MYT1L: variants seen among roughly 807,000 people sequenced by gnomAD.
MYT1L encodes myelin transcription factor 1 like.
MYT1L carries 12 observed loss-of-function variants against 126.7 expected under a neutral mutation model. The observed-to-expected ratio is 0.09, with a 90% CI of 0.06 to 0.15. MYT1L has a LOEUF of 0.15. Ranked by LOEUF, MYT1L falls within the 10% of genes least tolerant of loss-of-function variation. MYT1L has a pLI of 1.00. For synonymous variants in MYT1L, 541 were observed against 604.2 expected, an observed-to-expected ratio of 0.90 and a Z score of 1.53; for missense variants, 979 against 1,585.2, an observed-to-expected ratio of 0.62 and a Z score of 6.49.
intron 2 of MYT1L, among the ~76,000 whole-genome samples, chr2:2,242,500 G>C (rs1378209648): frequency 6.6e-6 from 1 of 152,190 alleles, no homozygotes; most frequent in Admixed American, 6.5e-5. Context: ...GTCTCATGAA[G>C]ACAGTGCCTG....
intron 5 of MYT1L, among the ~76,000 whole-genome samples, chr2:1,984,782 T>C (rs1361997578): frequency 6.6e-6 from 1 of 151,912 alleles, no homozygotes; most frequent in Non-Finnish European, 1.5e-5. Context: ...GTGCTGGTAT[T>C]ACAGGTGCAA....
At chr2:2,196,649 T>C (rs1027925542) in intron 2 of MYT1L, among the ~76,000 whole-genome samples, 2 of 151,928 alleles carry the variant, frequency 1.3e-5, no homozygotes, top group African/African-American at 4.8e-5. Context: ...CATTGGTAAT[T>C]TCATTGTGTT....
chr2:1,990,408 G>C (rs977941665), intron 5 of MYT1L, among the ~76,000 whole-genome samples: 4 of 152,206 alleles, frequency 2.6e-5, no homozygotes, highest in Admixed American at 6.5e-5. Context: ...GTAAATAAGA[G>C]ACCCTCAGGA....
At chr2:2,029,954 A>G (rs1159812895) in intron 4 of MYT1L, among the ~76,000 whole-genome samples, 4 of 152,140 alleles carry the variant, frequency 2.6e-5, no homozygotes, top group Admixed American at 2.6e-4. Context: ...AGAATAATTT[A>G]CCTTCTTATA....
intron 21 of MYT1L, among the ~76,000 whole-genome samples, chr2:1,809,470 G>A (rs2036243147): frequency 6.6e-6 from 1 of 152,158 alleles, no homozygotes; most frequent in Admixed American, 6.5e-5. Context: ...GCCCTTCATT[G>A]TATAACTTTC....
At chr2:2,241,289 G>T (rs1265400508) in intron 2 of MYT1L, among the ~76,000 whole-genome samples, 1 of 151,996 alleles carries the variant, frequency 6.6e-6, no homozygotes, top group Non-Finnish European at 1.5e-5. Flanking sequence ...GTGTGTGTGT[G>T]TGTGTGATAC....
intron 18 of MYT1L, among the ~76,000 whole-genome samples, chr2:1,883,044 A>C (rs544674422): frequency 6.6e-6 from 1 of 152,336 alleles, no homozygotes; most frequent in East Asian, 1.9e-4. Context: ...CCAAGGGACC[A>C]AAAGTACAAT....
intron 3 of MYT1L, among the ~76,000 whole-genome samples, chr2:2,110,929 G>C (rs2079361858): frequency 6.6e-6 from 1 of 152,174 alleles, no homozygotes; most frequent in Non-Finnish European, 1.5e-5. Context: ...GAGTTGAGCT[G>C]GTCCTTCAAA....
chr2:2,303,299 T>C (rs1258203944), intron 1 of MYT1L, among the ~76,000 whole-genome samples: 3 of 152,194 alleles, frequency 2.0e-5, no homozygotes, highest in African/African-American at 7.2e-5. Context: ...GGCCGAGCCC[T>C]GTAACTCTTG....
At chr2:1,800,551 G>C (rs1482728059) in intron 23 of MYT1L, among the ~76,000 whole-genome samples, 1 of 152,126 alleles carries the variant, frequency 6.6e-6, no homozygotes, top group East Asian at 1.9e-4. Flanking sequence ...CGGTTGCTTG[G>C]TGGGGCCCCA....
chr2:2,021,714 G>A (rs547268682), intron 4 of MYT1L, among the ~76,000 whole-genome samples: 2 of 152,134 alleles, frequency 1.3e-5, no homozygotes, highest in Non-Finnish European at 2.9e-5. Flanking sequence ...TGGCTAACAC[G>A]GTGAAACTCC....
chr2:2,295,575 G>GAT (rs2095662743), intron 1 of MYT1L, among the ~76,000 whole-genome samples: 1 of 139,448 alleles, frequency 7.2e-6, no homozygotes, highest in Non-Finnish European at 1.6e-5. Context: ...CAGAGAGAGA[G>GAT]AGAGAGAGAC....
chr2:2,177,275 C>T (rs2090914986), intron 2 of MYT1L, among the ~76,000 whole-genome samples: 1 of 152,226 alleles, frequency 6.6e-6, no homozygotes, highest in Non-Finnish European at 1.5e-5. Context: ...TTTAGTCACA[C>T]ATATGCATAG....
chr2:2,092,497 C>T (rs1387158253), intron 3 of MYT1L, among the ~76,000 whole-genome samples: 2 of 152,034 alleles, frequency 1.3e-5, no homozygotes, highest in East Asian at 3.9e-4. Context: ...TAAGAATTTC[C>T]AAAATGTGAC....
intron 4 of MYT1L, among the ~76,000 whole-genome samples, chr2:2,052,835 T>C (rs1184882140): frequency 1.3e-5 from 2 of 152,204 alleles, no homozygotes; most frequent in Non-Finnish European, 2.9e-5. Context: ...GTGGCGATAA[T>C]GCACCACTTT....
At chr2:2,197,885 A>T (rs2092891669) in intron 2 of MYT1L, among the ~76,000 whole-genome samples, 1 of 151,810 alleles carries the variant, frequency 6.6e-6, no homozygotes, top group Admixed American at 6.6e-5. Flanking sequence ...ACATGCACAC[A>T]CACACAACGA....
In MYT1L at chr2:1,981,820, G is replaced by A. The variant is rs545785799; in HGVS notation, c.1-2043C>T. Among the ~76,000 whole-genome samples, 16 of 152,328 alleles carry A rather than the reference G, an allele frequency of 1.1e-4. 1 individual carries two copies. The South Asian group carries it at 3.1e-3, about 30-fold the overall frequency. On this transcript the variant is annotated intron_variant, in intron 5 of 24. Transcript: ENST00000647738. ...GACTGGCAGTCGCCTAAGAAGAAAG[G>A]GCTTGGGCAGTGGCCTCAACAGCAT...
At chr2:1,868,327 C>A (rs1573028493) in intron 18 of MYT1L, among the ~76,000 whole-genome samples, 1 of 152,268 alleles carries the variant, frequency 6.6e-6, no homozygotes, top group Middle Eastern at 3.4e-3. Flanking sequence ...TTTCATAGAA[C>A]CTGCACTTGC....
chr2:1,913,466 A>C (rs778107413), intron 11 of MYT1L, among the ~76,000 whole-genome samples: 1 of 152,090 alleles, frequency 6.6e-6, no homozygotes, highest in Non-Finnish European at 1.5e-5. Context: ...TCCCTGTCCC[A>C]GAGGAAGAAG....
Sources: gnomAD v4.1 joint callset for allele counts (sites outside exome capture counted in the v4.1 genomes callset) on GRCh38, gnomAD v4.1.1 for gene constraint, MANE v1.5 for transcripts, NCBI Gene and HGNC (gene_info 2026-07-23, HGNC 2026-07-21) for gene names.